Variants in CNBD1 observed in about 807,000 individuals in gnomAD.
The protein encoded by CNBD1 is cyclic nucleotide-binding domain-containing protein 1.
In CNBD1, 71 loss-of-function variants were observed where a neutral mutation model predicts 54.4. That is an observed-to-expected ratio of 1.30 (90% CI 1.08 to 1.59). The LOEUF (loss-of-function observed/expected upper bound fraction) is 1.59, where lower values mean the gene tolerates loss of function less well. CNBD1 is among the 40% of genes most tolerant of loss of function. The probability of loss-of-function intolerance (pLI) is 0.00; values close to 1 mark genes in which losing one functional copy is unlikely to be tolerated. For missense variants in CNBD1, 659 were observed against 518.0 expected (o/e 1.27, Z -2.64); for synonymous variants, 182 against 170.7 (o/e 1.07, Z -0.51).
intron 8 of CNBD1, among the ~76,000 whole-genome samples, chr8:87,335,656 C>T (rs930889682): frequency 6.6e-6 from 1 of 152,074 alleles, no homozygotes; most frequent in African/African-American, 2.4e-5. Flanking sequence ...GACTCTTTAT[C>T]CAATTTGTCA....
intron 5 of CNBD1, among the ~76,000 whole-genome samples, chr8:87,219,666 AT>A (rs1340005065): frequency 2.0e-5 from 3 of 152,048 alleles, no homozygotes; most frequent in Non-Finnish European, 4.4e-5. Context: ...TGGACAAGTC[AT>A]GAACAACTGA....
rs576677999 is a variant in CNBD1, at chr8:87,418,149, A to G, written c.214-10397A>G. Among the ~76,000 whole-genome samples the G allele has an allele frequency of 7.8e-4, 118 of 152,138 alleles. No individual in the cohort carries two copies. The Middle Eastern group carries it at 0.01, about 13-fold the overall frequency. The stretch of plus-strand genomic sequence containing the variant: ...GAGCACGCACACTTTCAGGGTATGC[A>G]TCTGCATTAGTCATACTTGTGTGGT... On this transcript the variant is annotated intron_variant, in intron 2 of 7. Coordinates refer to the CNBD1 transcript ENST00000521593.
chr8:87,210,576 C>A (rs1009159981), intron 5 of CNBD1, among the ~76,000 whole-genome samples: 4 of 152,172 alleles, frequency 2.6e-5, no homozygotes, highest in African/African-American at 9.7e-5. Flanking sequence ...TCCTTACATG[C>A]CAGCCACTCC....
chr8:87,377,615 G>A lies in CNBD1; in HGVS notation c.1304-5005G>A, dbSNP rs539842609. Among the ~76,000 whole-genome samples, 480 of 150,950 alleles carry A rather than the reference G, an allele frequency of 3.2e-3. 3 individuals carry two copies. The highest frequency in any genetic ancestry group is 0.01 in the African/African-American group (427 of 40,808). On this transcript the variant is annotated intron_variant, in intron 10 of 10. Coordinates refer to ENST00000518476, the MANE Select transcript of CNBD1 (RefSeq NM_173538.3). ...GTGAATAATGCCGCAATAAACATACGTGTGCATGTGTCTTTATAGCAGCAT... is the reference window on the plus strand; with the variant it reads ...GTGAATAATGCCGCAATAAACATACATGTGCATGTGTCTTTATAGCAGCAT...
At chr8:86,893,539 A>G (rs1224170325) in intron 2 of CNBD1, among the ~76,000 whole-genome samples, 1 of 152,170 alleles carries the variant, frequency 6.6e-6, no homozygotes, top group African/African-American at 2.4e-5. Context: ...CTAGGATTTC[A>G]TTAACCTTCA....
chr8:87,002,694 C>T (rs1487811601), intron 4 of CNBD1, among the ~76,000 whole-genome samples: 1 of 151,892 alleles, frequency 6.6e-6, no homozygotes, highest in Non-Finnish European at 1.5e-5. Context: ...AAACTTTCAA[C>T]CTGTTCTCCC....
chr8:86,964,136 T>C (rs556566184), intron 4 of CNBD1, among the ~76,000 whole-genome samples: 18 of 208 alleles, frequency 0.087, no homozygotes, highest in Admixed American at 0.33. Context: ...TGTAGCTTCC[T>C]CCTGATATCA....
intron 4 of CNBD1, among the ~76,000 whole-genome samples, chr8:86,973,894 G>A (rs6468596): frequency 0.72 from 109,620 of 151,976 alleles, 41,173 homozygotes; most frequent in East Asian, 0.95. Flanking sequence ...ACTTGATACT[G>A]TGGAATTTTG....
chr8:86,977,548 C>G (rs1239177498), intron 4 of CNBD1, among the ~76,000 whole-genome samples: 1 of 152,050 alleles, frequency 6.6e-6, no homozygotes, highest in South Asian at 2.1e-4. Flanking sequence ...GGAGACATTA[C>G]AACTGCTAAC....
At chr8:87,045,724 C>CAAAAAAAA (rs58973406) in intron 4 of CNBD1, among the ~76,000 whole-genome samples, 7 of 51,082 alleles carry the variant, frequency 1.4e-4, no homozygotes, top group African/African-American at 5.5e-4. Context: ...GACTCCGTCT[C>CAAAAAAAA]AAAAAAAAAA....
At chr8:87,312,511 G>A (rs1282910833) in intron 8 of CNBD1, among the ~76,000 whole-genome samples, 1 of 151,922 alleles carries the variant, frequency 6.6e-6, no homozygotes, top group Non-Finnish European at 1.5e-5. Context: ...AAATATAGTG[G>A]GGTTTGACAT....
chr8:87,258,057 G>A lies in CNBD1; in HGVS notation c.771+20945G>A, dbSNP rs537343734. Among the ~76,000 whole-genome samples, 127 of 152,160 alleles carry A rather than the reference G, an allele frequency of 8.3e-4. 1 individual carries two copies. The highest frequency in any genetic ancestry group is 1.5e-3 in the Non-Finnish European group (100 of 68,020). Reference sequence around the variant, plus strand: ...TAAACATTATTTTTATGTTGACAATGCTTCCCATGTAACTTAACTTGTTAA... The same window carrying A: ...TAAACATTATTTTTATGTTGACAATACTTCCCATGTAACTTAACTTGTTAA... On this transcript the variant is annotated intron_variant, in intron 6 of 10. Transcript: ENST00000518476.
At chr8:87,149,001 A>G (rs1256088320) in intron 4 of CNBD1, among the ~76,000 whole-genome samples, 4 of 152,180 alleles carry the variant, frequency 2.6e-5, no homozygotes, top group Non-Finnish European at 5.9e-5. Flanking sequence ...CACCATTCCC[A>G]CCACAGTCAT....
At chr8:87,122,365 C>T (rs183613617) in intron 4 of CNBD1, among the ~76,000 whole-genome samples, 187 of 151,926 alleles carry the variant, frequency 1.2e-3, no homozygotes, top group Admixed American at 4.1e-3. Context: ...TGAGAAATTT[C>T]TGCTCAGGAA....
intron 8 of CNBD1, among the ~76,000 whole-genome samples, chr8:87,311,881 G>A (rs1216490241): frequency 4.6e-5 from 7 of 152,048 alleles, no homozygotes. Context: ...ACTTGTAAGT[G>A]GAAGCTAAAC....
chr8:87,261,701 T>C (rs1808143613), intron 6 of CNBD1, among the ~76,000 whole-genome samples: 1 of 152,146 alleles, frequency 6.6e-6, no homozygotes, highest in Non-Finnish European at 1.5e-5. Flanking sequence ...CCGTTATTGT[T>C]ACAGGTGCCT....
intron 4 of CNBD1, among the ~76,000 whole-genome samples, chr8:87,137,438 G>A (rs989295745): frequency 1.3e-5 from 2 of 151,292 alleles, no homozygotes; most frequent in South Asian, 2.1e-4. Context: ...TCCTGACTTC[G>A]TGATCCGCCC....
intron 2 of CNBD1, among the ~76,000 whole-genome samples, chr8:87,387,890 A>G (rs998884382): frequency 1.3e-5 from 2 of 152,148 alleles, no homozygotes; most frequent in Non-Finnish European, 2.9e-5. Flanking sequence ...GAAAATAGAA[A>G]TTATAACAAA....
At chr8:86,923,220 T>A (rs1336173876) in intron 3 of CNBD1, among the ~76,000 whole-genome samples, 1 of 152,198 alleles carries the variant, frequency 6.6e-6, no homozygotes, top group Non-Finnish European at 1.5e-5. Context: ...AAGTTTGAAG[T>A]ACTCCTTTTG....
Sources: gnomAD v4.1 joint callset for allele counts (sites outside exome capture counted in the v4.1 genomes callset) on GRCh38, gnomAD v4.1.1 for gene constraint, MANE v1.5 for transcripts, NCBI Gene and HGNC (gene_info 2026-07-23, HGNC 2026-07-21) for gene names.